The following KDM4C variants were observed in gnomAD, a reference collection of about 807,000 sequenced individuals.
KDM4C encodes lysine demethylase 4C, also known as lysine-specific demethylase 4C.
KDM4C carries 81 observed loss-of-function variants against 129.3 expected under a neutral mutation model. The observed-to-expected ratio is 0.63, with a 90% CI of 0.52 to 0.75. KDM4C has a LOEUF of 0.75. KDM4C is among the 30% of genes least tolerant of loss of function. The pLI is 0.00. For synonymous variants in KDM4C, 573 were observed against 456.1 expected (o/e 1.26, Z -3.26); for missense variants, 1,457 against 1,304.0 (o/e 1.12, Z -1.81).
chr9:6,735,626 G>T (rs1320331912), intron 1 of KDM4C, among the ~76,000 whole-genome samples: 1 of 152,184 alleles, frequency 6.6e-6, no homozygotes, highest in Non-Finnish European at 1.5e-5. Context: ...TGTGAGACGT[G>T]CCTTGCTCCT....
intron 15 of KDM4C, among the ~76,000 whole-genome samples, chr9:7,020,405 A>G (rs1453114231): frequency 6.6e-6 from 1 of 152,206 alleles, no homozygotes; most frequent in Non-Finnish European, 1.5e-5. Flanking sequence ...ACTATCTGAC[A>G]GCTATAGCGT....
At chr9:7,054,847 TA>T (rs1320047943) in intron 17 of KDM4C, among the ~76,000 whole-genome samples, 1 of 152,236 alleles carries the variant, frequency 6.6e-6, no homozygotes, top group Non-Finnish European at 1.5e-5. Context: ...CTATTAGTTT[TA>T]AATACTCTAT....
At chr9:6,834,919 C>T (rs143606118) in intron 4 of KDM4C, 22 of 1,181,168 alleles carry the variant, frequency 1.9e-5, no homozygotes, top group Middle Eastern at 3.9e-4. Context: ...TGATGGACTC[C>T]GGTGACGGGG....
chr9:7,015,144 T>C (rs1823432289), intron 14 of KDM4C, among the ~76,000 whole-genome samples: 2 of 152,172 alleles, frequency 1.3e-5, no homozygotes, highest in Admixed American at 1.3e-4. Context: ...TTTCTGTTAT[T>C]TTGTTTTCAT....
chr9:7,104,896 A>G (rs949613949), intron 18 of KDM4C, among the ~76,000 whole-genome samples: 4 of 152,066 alleles, frequency 2.6e-5, no homozygotes, highest in African/African-American at 9.7e-5. Context: ...AGCAATTTCC[A>G]TTGACATCTT....
chr9:7,083,693 C>T (rs987286644), intron 17 of KDM4C, among the ~76,000 whole-genome samples: 1 of 144,838 alleles, frequency 6.9e-6, no homozygotes, highest in South Asian at 2.2e-4. Context: ...CTGAAACGTC[C>T]CATGTAGCAC....
chr9:7,032,623 T>C (rs1441212437), intron 15 of KDM4C, among the ~76,000 whole-genome samples: 1 of 152,192 alleles, frequency 6.6e-6, no homozygotes, highest in Non-Finnish European at 1.5e-5. Flanking sequence ...AAGCCTCGTT[T>C]TACAACTAAT....
intron 1 of KDM4C, among the ~76,000 whole-genome samples, chr9:6,763,490 T>C (rs1819994846): frequency 6.6e-6 from 1 of 152,100 alleles, no homozygotes; most frequent in Non-Finnish European, 1.5e-5. Flanking sequence ...GTATCTCTCT[T>C]CCCTCCCTAC....
In KDM4C at chr9:6,799,276, T is replaced by C. The variant is rs537340421; in HGVS notation, c.144+6144T>C. ...CCACTGCACTCCAGCCTGGGCACCATTGAGCACTGAGTTAAGGAGACTCTG... is the reference window on the plus strand; with the variant it reads ...CCACTGCACTCCAGCCTGGGCACCACTGAGCACTGAGTTAAGGAGACTCTG... On this transcript the variant is annotated intron_variant, in intron 2 of 21. Transcript: ENST00000381309. Among the ~76,000 whole-genome samples the C allele has an allele frequency of 4.6e-5, 7 of 152,280 alleles. No individual in the cohort carries two copies. The South Asian group carries it at 6.2e-4, about 14-fold the overall frequency.
intron 8 of KDM4C, among the ~76,000 whole-genome samples, chr9:6,961,841 C>T (rs1352055317): frequency 6.6e-6 from 1 of 152,162 alleles, no homozygotes; most frequent in African/African-American, 2.4e-5. Context: ...AAATTGCCAT[C>T]ATTTTAAAGC....
At chr9:7,096,104 C>G (rs1836403313) in intron 17 of KDM4C, among the ~76,000 whole-genome samples, 1 of 152,008 alleles carries the variant, frequency 6.6e-6, no homozygotes, top group Non-Finnish European at 1.5e-5. Context: ...ATTGTGTGCC[C>G]CTTTTGCCCT....
chr9:6,850,423 C>T (rs1342467163), intron 5 of KDM4C, among the ~76,000 whole-genome samples: 2 of 152,096 alleles, frequency 1.3e-5, no homozygotes, highest in Non-Finnish European at 2.9e-5. Flanking sequence ...TCTTCTGGTT[C>T]ATCCTCCTCT....
intron 1 of KDM4C, among the ~76,000 whole-genome samples, chr9:6,786,385 C>A (rs1441987955): frequency 3.3e-5 from 5 of 152,136 alleles, no homozygotes; most frequent in African/African-American, 9.7e-5. Context: ...TAAAAAAATT[C>A]TTAGGGTACT....
At chr9:7,063,292 T>G (rs1831967737) in intron 17 of KDM4C, among the ~76,000 whole-genome samples, 1 of 152,220 alleles carries the variant, frequency 6.6e-6, no homozygotes, top group Non-Finnish European at 1.5e-5. Context: ...TGAACATTTT[T>G]GCTGTCTCAA....
chr9:7,157,335 T>C (rs1156419236), intron 19 of KDM4C, among the ~76,000 whole-genome samples: 1 of 152,242 alleles, frequency 6.6e-6, no homozygotes, highest in African/African-American at 2.4e-5. Context: ...CCTAATTGAA[T>C]ACCCATTATT....
chr9:6,831,428 C>T (rs770446448), intron 4 of KDM4C, among the ~76,000 whole-genome samples: 6 of 152,036 alleles, frequency 3.9e-5, no homozygotes, highest in Admixed American at 6.6e-5. Flanking sequence ...CTGCAACCTC[C>T]GTCTCCCTGG....
chr9:6,776,646 C>T (rs1005721625), intron 1 of KDM4C, among the ~76,000 whole-genome samples: 2 of 143,846 alleles, frequency 1.4e-5, no homozygotes, highest in Non-Finnish European at 3.0e-5. Flanking sequence ...CTCTTTTTGA[C>T]CAGGCTGGAG....
chr9:7,133,738 T>A (rs1407994310), intron 19 of KDM4C, among the ~76,000 whole-genome samples: 1 of 152,202 alleles, frequency 6.6e-6, no homozygotes, highest in Non-Finnish European at 1.5e-5. Context: ...GTTTCAGTGT[T>A]GAGCCCCGCA....
chr9:6,833,816 A>T (rs1835347878), intron 4 of KDM4C, among the ~76,000 whole-genome samples: 1 of 152,214 alleles, frequency 6.6e-6, no homozygotes, highest in Non-Finnish European at 1.5e-5. Context: ...AATTGTGAAG[A>T]GTTCTGTTCT....
Sources: allele counts gnomAD v4.1 joint callset (sites outside exome capture counted in the v4.1 genomes callset), GRCh38; gene constraint gnomAD v4.1.1; transcripts MANE v1.5; gene names NCBI Gene and HGNC (gene_info 2026-07-23, HGNC 2026-07-21).